The following GATAD2B variants were observed in gnomAD, a reference collection of about 807,000 sequenced individuals.
The protein encoded by GATAD2B is transcriptional repressor p66-beta.
GATAD2B carries 8 observed loss-of-function variants against 64.3 expected under a neutral mutation model. That is an observed-to-expected ratio of 0.12 (90% CI 0.07 to 0.22). The LOEUF (loss-of-function observed/expected upper bound fraction) is 0.22, where lower values mean the gene tolerates loss of function less well. Among genes scored for constraint, GATAD2B ranks in the 10% least tolerant of loss-of-function variants. The pLI is 1.00. For missense variants in GATAD2B, 453 were observed against 752.0 expected (o/e 0.60, Z 4.65); for synonymous variants, 281 against 271.3 (o/e 1.04, Z -0.35).
chr1:153,814,664 C>T (rs2101877494), intron 7 of GATAD2B, among the ~76,000 whole-genome samples: 1 of 152,188 alleles, frequency 6.6e-6, no homozygotes, highest in Admixed American at 6.5e-5. Flanking sequence ...ATTCCAGCTA[C>T]TTTGGAAGCT....
chr1:153,827,399 C>G (rs1437495342), intron 2 of GATAD2B, among the ~76,000 whole-genome samples: 1 of 151,948 alleles, frequency 6.6e-6, no homozygotes, highest in East Asian at 1.9e-4. Context: ...TCTACAGTTT[C>G]AAGTACTCAA....
Position 153,812,003 on chromosome 1 carries a change from C to G in GATAD2B, c.1530+19G>C. ...ATAAATCTTCTAAAGAAATCAGGAT[C>G]AGGCAAAAAGTTCCTTACCTGCCGA... On this transcript the variant is annotated intron_variant, in intron 9 of 10. Transcript: ENST00000368655. The G allele has an allele frequency of 4.8e-6, 7 of 1,467,586 alleles. No individual in the cohort carries two copies. Among genetic ancestry groups the G allele is most frequent in the Non-Finnish European group, 6.7e-6 (7 of 1,048,492 alleles). The allele number at this position is 1,467,586 out of a possible 1,614,324, so 90.9% of individuals were successfully genotyped here.
chr1:153,855,219 CTTTT>C lies in GATAD2B; in HGVS notation c.-1-26875_-1-26872del, dbSNP rs775771696. On this transcript the variant is annotated intron_variant, in intron 1 of 10. Transcript: ENST00000368655. ...GAAACGTAACTGTAGCATTAGCTTT[CTTTT>C]TGTTTTTTTTTTTTGTTGTTGTTGT... 3.3e-4 allele frequency among the ~76,000 whole-genome samples: 17 copies of C among 51,182 alleles called. No homozygotes were observed. In the East Asian group the frequency reaches 5.8e-3, roughly 18 times the overall value. The allele number at this position is 51,182 out of a possible 152,430, so 33.6% of individuals were successfully genotyped here.
chr1:153,908,326 G>A (rs149236366), intron 1 of GATAD2B, among the ~76,000 whole-genome samples: 16 of 152,056 alleles, frequency 1.1e-4, no homozygotes, highest in South Asian at 2.1e-4. Flanking sequence ...AGACCCCATC[G>A]CTATAAAATT....
chr1:153,815,731 T>C (rs1052206324), intron 7 of GATAD2B, among the ~76,000 whole-genome samples: 2 of 152,068 alleles, frequency 1.3e-5, no homozygotes, highest in Admixed American at 6.5e-5. Flanking sequence ...ATAGATTAGA[T>C]AGATAGATAG....
chr1:153,819,496 G>C, intron 3 of GATAD2B, 110 bp downstream of exon 3: 1 of 752,506 alleles, frequency 1.3e-6, no homozygotes, highest in Non-Finnish European at 2.1e-6. Flanking sequence ...TCATCAATGG[G>C]TATTTATATC....
At chr1:153,902,716 A>G (rs1677817065) in intron 1 of GATAD2B, among the ~76,000 whole-genome samples, 1 of 152,200 alleles carries the variant, frequency 6.6e-6, no homozygotes, top group Admixed American at 6.5e-5. Flanking sequence ...TCAGCCTCCC[A>G]AAGTGTTAGG....
chr1:153,910,487 C>T (rs1678082131), intron 1 of GATAD2B, among the ~76,000 whole-genome samples: 1 of 152,172 alleles, frequency 6.6e-6, no homozygotes, highest in African/African-American at 2.4e-5. Context: ...TCCCTATAAT[C>T]CCAGCACTTT....
chr1:153,922,391 G>T (rs1678478092), intron 1 of GATAD2B, among the ~76,000 whole-genome samples: 2 of 151,386 alleles, frequency 1.3e-5, no homozygotes, highest in Non-Finnish European at 3.0e-5. Context: ...GGGGCGTGAG[G>T]GAGGGGAGAA....
chr1:153,843,319 T>A (rs776501352), intron 1 of GATAD2B, among the ~76,000 whole-genome samples: 6 of 151,632 alleles, frequency 4.0e-5, no homozygotes, highest in Non-Finnish European at 8.8e-5. Context: ...GGTCTCACTA[T>A]GTTACCCAGG....
chr1:153,874,322 T>C (rs1232035351), intron 1 of GATAD2B, among the ~76,000 whole-genome samples: 1 of 151,740 alleles, frequency 6.6e-6, no homozygotes, highest in Non-Finnish European at 1.5e-5. Flanking sequence ...AATTACCCAG[T>C]CTCAGGTTAT....
intron 7 of GATAD2B, among the ~76,000 whole-genome samples, chr1:153,814,536 G>A (rs1674390595): frequency 6.6e-6 from 1 of 152,220 alleles, no homozygotes; most frequent in South Asian, 2.1e-4. Flanking sequence ...ACTTTGGGAG[G>A]CTGAGGCAGG....
intron 1 of GATAD2B, among the ~76,000 whole-genome samples, chr1:153,829,299 A>G (rs1234009480): frequency 6.6e-6 from 1 of 152,260 alleles, no homozygotes; most frequent in African/African-American, 2.4e-5. Flanking sequence ...AGGAAACAGC[A>G]AAGATAAAAT....
At chr1:153,874,976 G>C (rs1227604778) in intron 1 of GATAD2B, among the ~76,000 whole-genome samples, 2 of 151,930 alleles carry the variant, frequency 1.3e-5, no homozygotes, top group Non-Finnish European at 2.9e-5. Context: ...AAACTCCCAG[G>C]CTCAATCAAT....
At chr1:153,897,792 A>G (rs140339576) in intron 1 of GATAD2B, among the ~76,000 whole-genome samples, 3 of 152,236 alleles carry the variant, frequency 2.0e-5, no homozygotes, top group East Asian at 3.9e-4. Flanking sequence ...AAATTTTTTT[A>G]AAGAATTGCT....
intron 1 of GATAD2B, among the ~76,000 whole-genome samples, chr1:153,919,149 AC>A (rs552221204): frequency 6.6e-6 from 1 of 152,218 alleles, no homozygotes; most frequent in Non-Finnish European, 1.5e-5. Flanking sequence ...GGATCTGACC[AC>A]TTCATATCTC....
rs1410242384 is a variant in GATAD2B, at chr1:153,818,391, T to G, written c.598-220A>C. ...GTGCAGTGGCCTGATCTCGGCTCAC[T>G]GCAAGCTCCACCTCCCGGGTTCACG... On this transcript the variant is annotated intron_variant, in intron 4 of 10. Coordinates refer to ENST00000368655, the MANE Select transcript of GATAD2B (RefSeq NM_020699.4). Among the ~76,000 whole-genome samples, 3 of 148,536 alleles carry G rather than the reference T, an allele frequency of 2.0e-5. No individual in the cohort carries two copies. In the South Asian group the frequency reaches 6.3e-4, roughly 31 times the overall value.
At chr1:153,908,154 G>A (rs993676920) in intron 1 of GATAD2B, among the ~76,000 whole-genome samples, 1 of 152,016 alleles carries the variant, frequency 6.6e-6, no homozygotes, top group Non-Finnish European at 1.5e-5. Flanking sequence ...ACACACTCAC[G>A]CACGCACACA....
At chr1:153,862,072 T>C (rs1226326337) in intron 1 of GATAD2B, among the ~76,000 whole-genome samples, 1 of 149,742 alleles carries the variant, frequency 6.7e-6, no homozygotes, top group Non-Finnish European at 1.5e-5. Flanking sequence ...AGAATATAAC[T>C]TACATTAGTT....
Sources: allele counts gnomAD v4.1 joint callset (sites outside exome capture counted in the v4.1 genomes callset), GRCh38; gene constraint gnomAD v4.1.1; transcripts MANE v1.5; gene names NCBI Gene and HGNC (gene_info 2026-07-23, HGNC 2026-07-21).